Variants in SGCZ observed in about 807,000 individuals in gnomAD.
The protein encoded by SGCZ is sarcoglycan zeta.
A neutral mutation model predicts 41.3 loss-of-function variants in SGCZ; 40 were observed. The ratio of observed to expected loss-of-function variants is 0.97; its 90% CI spans 0.75 to 1.26. SGCZ has a LOEUF of 1.26. SGCZ is among the 50% of genes most tolerant of loss of function. The probability of loss-of-function intolerance (pLI) is 0.00; values close to 1 mark genes in which losing one functional copy is unlikely to be tolerated. For synonymous variants in SGCZ, 206 were observed against 137.5 expected (o/e 1.50, Z -3.49); for missense variants, 552 against 369.8 (o/e 1.49, Z -4.04).
chr8:14,876,109 T>G (rs1358185161), intron 1 of SGCZ, among the ~76,000 whole-genome samples: 2 of 152,136 alleles, frequency 1.3e-5, no homozygotes, highest in African/African-American at 4.8e-5. Context: ...AAAGCTTGCA[T>G]CAGTGTAGAC....
In SGCZ at chr8:14,172,114, C is replaced by A. The variant is rs543913451; in HGVS notation, c.425-7412G>T. ...AAAAGATGACCAGATAAGGTATTTG[C>A]ATTAAAGCTCTTATATAACAAATGA... On this transcript the variant is annotated intron_variant, in intron 4 of 7. Transcript: ENST00000382080. Among the ~76,000 whole-genome samples, 13 of 152,208 alleles carry A rather than the reference C, an allele frequency of 8.5e-5. No homozygotes were observed. In the East Asian group the frequency reaches 2.1e-3, roughly 25 times the overall value.
At chr8:14,505,526 T>C (rs1234386953) in intron 2 of SGCZ, among the ~76,000 whole-genome samples, 1 of 152,200 alleles carries the variant, frequency 6.6e-6, no homozygotes. Flanking sequence ...TTCACCATTA[T>C]ACCTATGTCA....
chr8:14,279,194 G>T (rs1033207761), intron 3 of SGCZ, among the ~76,000 whole-genome samples: 2 of 151,860 alleles, frequency 1.3e-5, no homozygotes, highest in African/African-American at 2.4e-5. Flanking sequence ...GAGCAAGGGG[G>T]GAAAGGGGAA....
intron 5 of SGCZ, among the ~76,000 whole-genome samples, chr8:14,140,279 C>T (rs4458875): frequency 0.85 from 130,033 of 152,138 alleles, 55,610 homozygotes; most frequent in South Asian, 0.88. Context: ...GGATGCCCTT[C>T]CACCACTCAT....
intron 4 of SGCZ, among the ~76,000 whole-genome samples, chr8:14,205,836 A>G (rs1350690736): frequency 6.6e-6 from 1 of 152,156 alleles, no homozygotes; most frequent in African/African-American, 2.4e-5. Context: ...TATAGTCTAT[A>G]TCAAATATTA....
intron 1 of SGCZ, among the ~76,000 whole-genome samples, chr8:14,791,910 G>A (rs866207802): frequency 1.3e-5 from 2 of 152,262 alleles, no homozygotes; most frequent in South Asian, 2.1e-4. Context: ...AATTCTAGCC[G>A]CACTTTCTCA....
intron 2 of SGCZ, among the ~76,000 whole-genome samples, chr8:14,464,890 G>C (rs908779967): frequency 6.6e-6 from 1 of 151,182 alleles, no homozygotes; most frequent in Non-Finnish European, 1.5e-5. Flanking sequence ...GAATTTTCCT[G>C]TTTCTCTTCT....
intron 2 of SGCZ, among the ~76,000 whole-genome samples, chr8:14,481,071 T>C (rs777819743): frequency 2.6e-4 from 39 of 152,026 alleles, no homozygotes; most frequent in Admixed American, 1.1e-3. Context: ...ATAATCAACA[T>C]ATAAACAGCA....
intron 3 of SGCZ, among the ~76,000 whole-genome samples, chr8:14,253,243 GGT>G (rs10681510): frequency 0.35 from 52,232 of 148,676 alleles, 9,261 homozygotes; most frequent in Non-Finnish European, 0.41. Context: ...TTGTGTGTAG[GGT>G]GTGTGTGTGT....
At chr8:14,424,630 T>TAA (rs1169262055) in intron 2 of SGCZ, among the ~76,000 whole-genome samples, 1 of 127,510 alleles carries the variant, frequency 7.8e-6, no homozygotes, top group African/African-American at 3.6e-5. Flanking sequence ...TTGTCATTTT[T>TAA]ACGTCAGTGC....
chr8:14,109,951 C>T (rs1802322963), intron 5 of SGCZ, among the ~76,000 whole-genome samples: 3 of 152,004 alleles, frequency 2.0e-5, no homozygotes, highest in African/African-American at 7.2e-5. Flanking sequence ...AGTGTTCTCT[C>T]TTCTCTCTCT....
intron 1 of SGCZ, among the ~76,000 whole-genome samples, chr8:14,767,579 T>C (rs1254410877): frequency 8.5e-5 from 13 of 152,228 alleles, no homozygotes; most frequent in Admixed American, 8.5e-4. Context: ...TGAAGATAAA[T>C]CTTCCTCTCT....
intron 4 of SGCZ, among the ~76,000 whole-genome samples, chr8:14,185,175 G>C (rs1804862281): frequency 6.6e-6 from 1 of 152,088 alleles, no homozygotes; most frequent in Non-Finnish European, 1.5e-5. Flanking sequence ...GCCAAGAGGG[G>C]TGGATCACGA....
At chr8:14,224,978 A>T (rs1051229393) in intron 4 of SGCZ, among the ~76,000 whole-genome samples, 3 of 152,186 alleles carry the variant, frequency 2.0e-5, no homozygotes, top group Non-Finnish European at 2.9e-5. Context: ...TGCAGCCAGT[A>T]ACCCTGTGAA....
chr8:15,019,413 G>A (rs1185128648), intron 1 of SGCZ, among the ~76,000 whole-genome samples: 1 of 152,138 alleles, frequency 6.6e-6, no homozygotes, highest in East Asian at 1.9e-4. Context: ...AACAGGATAT[G>A]TTAGGCTGAT....
chr8:14,775,929 G>A (rs1388309472), intron 1 of SGCZ, among the ~76,000 whole-genome samples: 2 of 152,112 alleles, frequency 1.3e-5, no homozygotes, highest in Admixed American at 6.5e-5. Context: ...GGAGGTGGAA[G>A]GAAAAGGAAA....
intron 1 of SGCZ, among the ~76,000 whole-genome samples, chr8:15,202,033 C>T (rs929932985): frequency 6.6e-6 from 1 of 152,080 alleles, no homozygotes; most frequent in Non-Finnish European, 1.5e-5. Flanking sequence ...TTTAGAAACT[C>T]AACCACTCCT....
chr8:14,120,029 C>G (rs1456016790), intron 5 of SGCZ, among the ~76,000 whole-genome samples: 4 of 151,842 alleles, frequency 2.6e-5, no homozygotes, highest in Non-Finnish European at 5.9e-5. Context: ...TTTTCTTTTT[C>G]TGTGTGTGTC....
intron 3 of SGCZ, among the ~76,000 whole-genome samples, chr8:14,321,995 A>G (rs1563256296): frequency 6.6e-6 from 1 of 152,106 alleles, no homozygotes; most frequent in African/African-American, 2.4e-5. Context: ...ATAGTAAATG[A>G]CATTCATGGA....
Sources: allele counts gnomAD v4.1 joint callset (sites outside exome capture counted in the v4.1 genomes callset), GRCh38; gene constraint gnomAD v4.1.1; transcripts MANE v1.5; gene names NCBI Gene and HGNC (gene_info 2026-07-23, HGNC 2026-07-21).